SLC25A14: variants seen among roughly 807,000 people sequenced by gnomAD.
The protein encoded by SLC25A14 is solute carrier family 25 member 14.
SLC25A14 carries 8 observed loss-of-function variants against 28.1 expected under a neutral mutation model. The ratio of observed to expected loss-of-function variants is 0.28; its 90% CI spans 0.17 to 0.51. SLC25A14 has a LOEUF of 0.51. SLC25A14 is among the 20% of genes least tolerant of loss of function. The pLI is 0.97. For synonymous variants in SLC25A14, 74 were observed against 90.6 expected (o/e 0.82, Z 1.04); for missense variants, 135 against 263.8 (o/e 0.51, Z 3.38).
intron 7 of SLC25A14, among the ~76,000 whole-genome samples, chrX:130,363,742 AT>A (rs900785030): frequency 1.8e-5 from 2 of 109,742 alleles, no homozygotes; most frequent in African/African-American, 6.6e-5. Flanking sequence ...ATTTTTTTAA[AT>A]TTTTTTTTGA....
chrX:130,358,793 AT>A (rs977215626), intron 7 of SLC25A14, 58 bp downstream of exon 7: 534 of 853,544 alleles, frequency 6.3e-4, no homozygotes, highest in Non-Finnish European at 7.9e-4. Flanking sequence ...TTTGCAGAGA[AT>A]TTTTTTTTAT....
At chrX:130,370,570 C>A (rs2034239734) in intron 9 of SLC25A14, among the ~76,000 whole-genome samples, 1 of 111,415 alleles carries the variant, frequency 9.0e-6, no homozygotes, top group South Asian at 3.8e-4. Flanking sequence ...AGTAGGAAAC[C>A]AAAACTCAAA....
rs751941865 is a variant in SLC25A14 at position 130,359,967 on chromosome X, C to G, written c.594+1232C>G. Among the ~76,000 whole-genome samples the G allele has an allele frequency of 1.8e-4, 20 of 111,159 alleles. No homozygotes were observed. In the South Asian group the frequency reaches 7.2e-3, roughly 40 times the overall value. ...CATAATAATAATACCATTATCATAT[C>G]TAAGAAAATGAACAAGTCCCTAATA... is the stretch of plus-strand genomic sequence containing the variant. On this transcript the variant is annotated intron_variant, in intron 7 of 10. Coordinates refer to ENST00000545805, the MANE Select transcript of SLC25A14 (RefSeq NM_001282195.2).
intron 4 of SLC25A14, among the ~76,000 whole-genome samples, chrX:130,347,287 A>G (rs1198383985): frequency 1.8e-5 from 2 of 111,451 alleles, no homozygotes; most frequent in East Asian, 5.6e-4. Context: ...GTTAGACTTA[A>G]TTTAAAAGGT....
intron 2 of SLC25A14, among the ~76,000 whole-genome samples, chrX:130,344,628 G>T (rs2033371291): frequency 9.0e-6 from 1 of 111,711 alleles, no homozygotes; most frequent in Non-Finnish European, 1.9e-5. Context: ...TAGAAGGAAG[G>T]TGAAAAAGTT....
chrX:130,352,219 C>T (rs1039687566), intron 6 of SLC25A14, among the ~76,000 whole-genome samples: 8 of 111,781 alleles, frequency 7.2e-5, no homozygotes, highest in African/African-American at 9.8e-5. Flanking sequence ...GCCTCTGGCT[C>T]AATCCATGTT....
intron 2 of SLC25A14, 102 bp downstream of exon 2, chrX:130,340,455 C>T (rs749116224): frequency 1.6e-5 from 15 of 930,422 alleles, no homozygotes; most frequent in Middle Eastern, 2.7e-4. Context: ...GCATTGAAGG[C>T]ATCTATTAAA....
chrX:130,370,466 G>C (rs1357053232), intron 9 of SLC25A14, among the ~76,000 whole-genome samples: 1 of 111,498 alleles, frequency 9.0e-6, no homozygotes, highest in Non-Finnish European at 1.9e-5. Flanking sequence ...CATTTCTGCT[G>C]GCTAAATTCA....
chrX:130,369,904 G>A (rs770515566), intron 9 of SLC25A14, among the ~76,000 whole-genome samples: 2 of 112,206 alleles, frequency 1.8e-5, no homozygotes, highest in Admixed American at 9.4e-5. Flanking sequence ...AGAGCTTTAA[G>A]CAGGAAATGT....
chrX:130,364,572 T>G, intron 7 of SLC25A14, 56 bp from the exon 8 acceptor site: 1 of 1,001,353 alleles, frequency 1.0e-6, no homozygotes, highest in South Asian at 1.9e-5. Flanking sequence ...TTGTTCACTC[T>G]AAGACATCAC....
intron 6 of SLC25A14, among the ~76,000 whole-genome samples, chrX:130,354,220 T>G (rs1052578638): frequency 9.1e-6 from 1 of 109,858 alleles, no homozygotes; most frequent in East Asian, 2.8e-4. Context: ...TTCACGCCAT[T>G]CTCCTGCCTC....
intron 3 of SLC25A14, among the ~76,000 whole-genome samples, chrX:130,346,078 AC>A (rs773873233): frequency 1.8e-5 from 2 of 110,371 alleles, no homozygotes; most frequent in Non-Finnish European, 3.8e-5. Flanking sequence ...TAAAAGAAAA[AC>A]CCCACAAAAC....
chrX:130,364,420 G>A (rs2124768886), intron 7 of SLC25A14, among the ~76,000 whole-genome samples: 1 of 110,822 alleles, frequency 9.0e-6, no homozygotes, highest in African/African-American at 3.3e-5. Flanking sequence ...TGTGCTTTGG[G>A]TGTCATATCA....
chrX:130,372,241 G>C (rs187553230), intron 10 of SLC25A14, among the ~76,000 whole-genome samples: 9 of 111,371 alleles, frequency 8.1e-5, no homozygotes, highest in Non-Finnish European at 1.3e-4. Context: ...TTCCCTCTTG[G>C]AATCACTCTG....
At chrX:130,351,296 A>G (rs920850929) in intron 6 of SLC25A14, among the ~76,000 whole-genome samples, 1 of 111,457 alleles carries the variant, frequency 9.0e-6, no homozygotes, top group African/African-American at 3.3e-5. Flanking sequence ...TTAGTAACCA[A>G]TTTGGGTATC....
Position 130,345,282 on chromosome X carries a change from A to G in SLC25A14, c.169+7A>G, listed in dbSNP as rs1218623062. 1.8e-6 allele frequency: 2 copies of G among 1,088,521 alleles called. No individual in the cohort carries two copies. The highest frequency in any genetic ancestry group is 2.6e-6 in the Non-Finnish European group (2 of 783,288). The allele number at this position is 1,088,521 out of a possible 1,213,427, so 89.7% of individuals were successfully genotyped here. ...TCTATCGTGGCTGAGTTTGGTAAGA[A>G]TGTGAGAAATGACAAATCTGCATTA... On this transcript the variant is annotated splice_region_variant and intron_variant, in intron 3 of 10. Transcript: ENST00000545805.
intron 9 of SLC25A14, 58 bp downstream of exon 9, chrX:130,365,734 CT>C: frequency 3.5e-6 from 3 of 856,634 alleles, no homozygotes; most frequent in Non-Finnish European, 5.0e-6. Context: ...TTAGACCTTC[CT>C]TCAGTTCTTA....
rs183276201 is a variant in SLC25A14 at position 130,371,556 on chromosome X, T to A, written c.856-8T>A. On this transcript the variant is annotated splice_polypyrimidine_tract_variant and splice_region_variant and intron_variant, in intron 9 of 10. Transcript: ENST00000545805. ...TTCACTCTGTTTTTGGTTATATCTT[T>A]CCTGCAGATGTGGAAACATGAGGGC... 31 of 1,195,463 alleles carry A rather than the reference T, an allele frequency of 2.6e-5. No homozygotes were observed. In the East Asian group the frequency reaches 8.6e-4, roughly 33 times the overall value.
intron 2 of SLC25A14, among the ~76,000 whole-genome samples, chrX:130,341,707 G>C (rs907134041): frequency 4.5e-5 from 5 of 111,875 alleles, no homozygotes; most frequent in African/African-American, 1.6e-4. Flanking sequence ...AATTTTCATT[G>C]GTTTCTTTAT....
Sources: allele counts gnomAD v4.1 joint callset (sites outside exome capture counted in the v4.1 genomes callset), GRCh38; gene constraint gnomAD v4.1.1; transcripts MANE v1.5; gene names NCBI Gene and HGNC (gene_info 2026-07-23, HGNC 2026-07-21).